SARDH: variants seen among roughly 807,000 people sequenced by gnomAD.
The protein encoded by SARDH is sarcosine dehydrogenase, mitochondrial.
A neutral mutation model predicts 109.1 loss-of-function variants in SARDH; 95 were observed. The observed-to-expected ratio is 0.87, with a 90% confidence interval of 0.74 to 1.03. The LOEUF is 1.03. Among genes scored for constraint, SARDH ranks in the 50% least tolerant of loss-of-function variants. The pLI is 0.00. For missense variants in SARDH, 1,267 were observed against 1,287.8 expected, an observed-to-expected ratio of 0.98 and a Z score of 0.25; for synonymous variants, 572 against 534.8, an observed-to-expected ratio of 1.07 and a Z score of -0.96.
In SARDH at chr9:133,714,918, G is replaced by A. The variant is rs532598165; in HGVS notation, c.1151-1794C>T. ...ACCTCACAGGGAATCTGCGGGGAGCGCTATCAAGAGCTAGCGGAGGGGCAG... is the reference window on the plus strand; with the variant it reads ...ACCTCACAGGGAATCTGCGGGGAGCACTATCAAGAGCTAGCGGAGGGGCAG... On this transcript the variant is annotated intron_variant, in intron 8 of 20. Coordinates refer to ENST00000439388, the MANE Select transcript of SARDH (RefSeq NM_001134707.2). Among the ~76,000 whole-genome samples, 10 of 152,304 alleles carry A rather than the reference G, an allele frequency of 6.6e-5. No homozygotes were observed. The East Asian group carries it at 1.4e-3, about 21-fold the overall frequency.
At chr9:133,660,556 T>G, downstream of SARDH, among the ~76,000 whole-genome samples, 1 of 152,168 alleles carries the variant, frequency 6.6e-6, no homozygotes, top group East Asian at 1.9e-4. Flanking sequence ...TTCCGAATGA[T>G]TGGGGTGTGA....
rs762694052 is a variant in SARDH at position 133,713,140 on chromosome 9, A to G, written c.1151-16T>C. 1.9e-6 allele frequency: 3 copies of G among 1,606,682 alleles called. No individual in the cohort carries two copies. The highest frequency in any genetic ancestry group is 2.6e-6 in the Non-Finnish European group (3 of 1,175,050). The stretch of plus-strand genomic sequence containing the variant: ...GTGAAGGATTCTGAAAGAAGGAGAG[A>G]GAGGCCTGGAGTCCCTTTTGCAGTG... On this transcript the variant is annotated splice_polypyrimidine_tract_variant and intron_variant, in intron 8 of 20. Coordinates refer to ENST00000439388, the MANE Select transcript of SARDH (RefSeq NM_001134707.2).
chr9:133,728,201 C>T lies in SARDH; in HGVS notation c.915+1564G>A, dbSNP rs1441263335. 2.0e-5 allele frequency among the ~76,000 whole-genome samples: 3 copies of T among 152,174 alleles called. No homozygotes were observed. Among genetic ancestry groups the T allele is most frequent in the African/African-American group, 4.8e-5 (2 of 41,432 alleles). ...GTCCAGTGGGGCGTGGCTTGCCCAG[C>T]GCACAGGAGTCAGAGGCAGCAGCGC... is the stretch of plus-strand genomic sequence containing the variant. On this transcript the variant is annotated intron_variant, in intron 6 of 20. Transcript: ENST00000439388. This position sits in a 1 kb window ranked among gnomAD's most constrained non-coding sequence, Gnocchi z 5.0.
chr9:133,677,059 A>C (rs1230492788), intron 17 of SARDH, among the ~76,000 whole-genome samples: 1 of 152,110 alleles, frequency 6.6e-6, no homozygotes, highest in Non-Finnish European at 1.5e-5. Flanking sequence ...GAATTGGTTG[A>C]ACCTGAGAGG....
intron 13 of SARDH, among the ~76,000 whole-genome samples, chr9:133,700,329 A>AAAAT (rs757368063): frequency 7.9e-4 from 120 of 152,278 alleles, no homozygotes; most frequent in Non-Finnish European, 1.4e-3. Context: ...CCCATCTCAA[A>AAAAT]AAATAAATAA....
At chr9:133,732,052 G>C (rs763440613) in intron 3 of SARDH, among the ~76,000 whole-genome samples, 10 of 152,174 alleles carry the variant, frequency 6.6e-5, no homozygotes, top group Non-Finnish European at 1.2e-4. Context: ...TGGGAATTCT[G>C]AATGAAGCCT....
chr9:133,662,142 G>A (rs544351551), downstream of SARDH, among the ~76,000 whole-genome samples: 193 of 152,212 alleles, frequency 1.3e-3, 1 homozygote, highest in Non-Finnish European at 1.7e-3. The surrounding 1 kb of genome is among the most constrained non-coding windows in gnomAD (Gnocchi z 5.1). Context: ...AGCACACAGG[G>A]GACAGGGAGG....
intron 6 of SARDH, among the ~76,000 whole-genome samples, chr9:133,725,956 C>T (rs1222577594): frequency 2.6e-5 from 4 of 152,196 alleles, no homozygotes; most frequent in Admixed American, 2.6e-4. Flanking sequence ...AAGGGACATT[C>T]TGGCAGATGC....
intron 14 of SARDH, among the ~76,000 whole-genome samples, chr9:133,695,310 G>A (rs930952898): frequency 2.6e-5 from 4 of 152,188 alleles, no homozygotes; most frequent in Non-Finnish European, 4.4e-5. Flanking sequence ...GGGCATGGTG[G>A]TGTGCGCCTG....
At chr9:133,723,906 G>T (rs1220943298) in intron 6 of SARDH, among the ~76,000 whole-genome samples, 1 of 152,206 alleles carries the variant, frequency 6.6e-6, no homozygotes, top group African/African-American at 2.4e-5. Context: ...AAAGAATGCA[G>T]TTGGACCCCT....
At chr9:133,706,542 G>A (rs1248477148) in intron 11 of SARDH, among the ~76,000 whole-genome samples, 2 of 152,216 alleles carry the variant, frequency 1.3e-5, no homozygotes, top group Admixed American at 6.5e-5. Context: ...CGGTTGCACA[G>A]CACTGCAAAG....
chr9:133,682,463 T>C (rs1830729670), intron 17 of SARDH, among the ~76,000 whole-genome samples: 1 of 152,192 alleles, frequency 6.6e-6, no homozygotes, highest in South Asian at 2.1e-4. Flanking sequence ...TGGCAGGCTA[T>C]GAATGTCCCC....
intron 1 of SARDH, among the ~76,000 whole-genome samples, chr9:133,736,561 A>G (rs371665461): frequency 1.3e-5 from 2 of 152,226 alleles, no homozygotes; most frequent in South Asian, 4.1e-4. Context: ...ATGCCTGGCT[A>G]ATTTTTGTAT....
chr9:133,724,210 C>T (rs2131483674), intron 6 of SARDH, among the ~76,000 whole-genome samples: 1 of 152,248 alleles, frequency 6.6e-6, no homozygotes, highest in South Asian at 2.1e-4. Context: ...AAAAGACAAC[C>T]ACTGAATAGA....
chr9:133,711,864 C>A (rs947919253), intron 10 of SARDH, among the ~76,000 whole-genome samples: 5 of 152,270 alleles, frequency 3.3e-5, no homozygotes, highest in African/African-American at 1.2e-4. Flanking sequence ...GGCCACAGGC[C>A]CTGCTGTGTG....
chr9:133,679,871 C>T (rs1260359916), intron 17 of SARDH, among the ~76,000 whole-genome samples: 1 of 152,214 alleles, frequency 6.6e-6, no homozygotes, highest in Non-Finnish European at 1.5e-5. Flanking sequence ...ACCCGGGGCC[C>T]GGGTCTGCAG....
At chr9:133,725,997 C>T (rs1832477127) in intron 6 of SARDH, among the ~76,000 whole-genome samples, 1 of 152,110 alleles carries the variant, frequency 6.6e-6, no homozygotes, top group South Asian at 2.1e-4. Context: ...TCCCAGGAGT[C>T]CTGTTCATTG....
At chr9:133,687,959 G>A (rs961778398) in intron 16 of SARDH, among the ~76,000 whole-genome samples, 8 of 152,094 alleles carry the variant, frequency 5.3e-5, no homozygotes, top group Non-Finnish European at 1.2e-4. Context: ...CCCCGCCACC[G>A]CCTGGAGCAG....
intron 6 of SARDH, among the ~76,000 whole-genome samples, chr9:133,727,305 G>A (rs950064948): frequency 2.6e-5 from 4 of 152,200 alleles, no homozygotes; most frequent in African/African-American, 7.2e-5. Flanking sequence ...TGAACCACAC[G>A]TGAGACCTGA....
Sources: gnomAD v4.1 joint callset for allele counts (sites outside exome capture counted in the v4.1 genomes callset) on GRCh38, gnomAD v4.1.1 for gene constraint, Gnocchi (gnomAD v3.1) non-coding constraint, MANE v1.5 for transcripts, NCBI Gene and HGNC (gene_info 2026-07-23, HGNC 2026-07-21) for gene names.